LRRC56: variants seen among roughly 807,000 people sequenced by gnomAD.
The protein encoded by LRRC56 is leucine-rich repeat-containing protein 56.
A neutral mutation model predicts 47.8 loss-of-function variants in LRRC56; 41 were observed. The observed-to-expected ratio is 0.86, with a 90% CI of 0.67 to 1.11. LRRC56 has a LOEUF of 1.11. LRRC56 is among the 50% of genes most tolerant of loss of function. The pLI is 0.00. For missense variants in LRRC56, 759 were observed against 704.2 expected (o/e 1.08, Z -0.88); for synonymous variants, 387 against 311.2 (o/e 1.24, Z -2.56).
At chr11:548,481 G>A (rs1338818211) in intron 6 of LRRC56, among the ~76,000 whole-genome samples, 4 of 120,428 alleles carry the variant, frequency 3.3e-5, no homozygotes, top group Admixed American at 8.5e-5. Context: ...GTTTGGAGAC[G>A]GAGGCTCGCT....
chr11:508,198 C>T, the LRRC56 span, among the ~76,000 whole-genome samples: 1 of 152,234 alleles, frequency 6.6e-6, no homozygotes. Flanking sequence ...CAGGGTCTCA[C>T]TCCACTGCTT....
the LRRC56 span, among the ~76,000 whole-genome samples, chr11:520,739 G>A: frequency 6.6e-6 from 1 of 152,064 alleles, no homozygotes; most frequent in African/African-American, 2.4e-5. Context: ...TCCATCCAGG[G>A]TCTCCTGGAG....
rs1385816065 is a variant in LRRC56 at position 540,678 on chromosome 11, CAT to C, written c.-6_-5del. 6 of 1,611,742 alleles carry C rather than the reference CAT, an allele frequency of 3.7e-6. No individual in the cohort carries two copies. Among genetic ancestry groups the C allele is most frequent in the Admixed American group, 3.3e-5 (2 of 59,778 alleles). The stretch of plus-strand genomic sequence containing the variant: ...GCACTGTGCCTCTGTCAGCAGGTGA[CAT>C]GTGAATGGATCTGGGCTGGGACAGA... On this transcript the variant is annotated 5_prime_UTR_variant, in exon 4 of 14. An upstream start codon of the reference 5' UTR is lost. Coordinates refer to ENST00000270115, the MANE Select transcript of LRRC56 (RefSeq NM_198075.4).
intron 5 of LRRC56, among the ~76,000 whole-genome samples, chr11:544,095 G>T (rs756054354): frequency 2.6e-5 from 4 of 152,214 alleles, no homozygotes; most frequent in Non-Finnish European, 5.9e-5. Flanking sequence ...GCCTCACAGG[G>T]GCATATGCCC....
Position 552,443 on chromosome 11 carries a change from G to A in LRRC56, c.1182-126G>A, listed in dbSNP as rs1019671774. The A allele has an allele frequency of 4.3e-6, 5 of 1,164,952 alleles. No homozygotes were observed. The African/African-American group carries it at 6.1e-5, about 14-fold the overall frequency. The allele number at this position is 1,164,952 out of a possible 1,614,324, so 72.2% of individuals were successfully genotyped here. ...ACCATCCCTGTGTGTCCTGTCCCGT[G>A]GGGGGATCAGGGCTGGGGCTACCTT... On this transcript the variant is annotated intron_variant, in intron 12 of 13. Coordinates refer to ENST00000270115, the MANE Select transcript of LRRC56 (RefSeq NM_198075.4).
chr11:526,313 G>C, the LRRC56 span, among the ~76,000 whole-genome samples: 1 of 152,196 alleles, frequency 6.6e-6, no homozygotes, highest in Non-Finnish European at 1.5e-5. Context: ...CGTCCAGGCT[G>C]TGGCCACCAG....
chr11:526,484 G>A, the LRRC56 span, among the ~76,000 whole-genome samples: 17 of 152,238 alleles, frequency 1.1e-4, no homozygotes, highest in African/African-American at 3.1e-4. Flanking sequence ...CAGCAACCCC[G>A]CCCCCAGTGT....
At chr11:533,563 C>A (rs1163968308), upstream of LRRC56, 3 of 1,613,922 alleles carry the variant, frequency 1.9e-6, no homozygotes. Flanking sequence ...TTGTTCCCCA[C>A]CAGCACCATG....
intron 6 of LRRC56, among the ~76,000 whole-genome samples, chr11:547,100 T>C (rs1283944515): frequency 6.7e-6 from 1 of 149,492 alleles, no homozygotes; most frequent in Non-Finnish European, 1.5e-5. Flanking sequence ...GGCTTGGCGG[T>C]GCATGCCTGT....
In LRRC56 at chr11:540,710, G is replaced by A. The variant is rs778566046; in HGVS notation, c.26G>A (p.Arg9His). MDLGWDRS[R>H]GPRRSTSSVR... ...ATGGATCTGGGCTGGGACAGATCCC[G>A]TGGGCCTCGGCGGAGCACCTCCAGC... The change falls in exon 4 of 14, where the codon CGT becomes CAT. Residue 9 changes from arginine to histidine, a missense_variant. Physicochemically the swap from Arg to His is conservative, Grantham distance 29. Transcript: ENST00000270115. 4.1e-5 allele frequency: 66 copies of A among 1,612,582 alleles called. No homozygotes were observed. Among genetic ancestry groups the A allele is most frequent in the East Asian group, 1.1e-4 (5 of 44,888 alleles).
chr11:551,486 A>C (rs1852386148), intron 9 of LRRC56, among the ~76,000 whole-genome samples, 165 bp from the exon 10 acceptor site: 1 of 152,098 alleles, frequency 6.6e-6, no homozygotes, highest in Admixed American at 6.5e-5. Context: ...CAGCCCACAG[A>C]GGGAGAGGAA....
At chr11:534,841 G>C (rs1273542520), upstream of LRRC56, among the ~76,000 whole-genome samples, 1 of 152,216 alleles carries the variant, frequency 6.6e-6, no homozygotes, top group African/African-American at 2.4e-5. Flanking sequence ...TGCGTACTAG[G>C]CGCCGCCGAG....
chr11:534,702 C>A (rs905122041), upstream of LRRC56: 3 of 320,804 alleles, frequency 9.4e-6, no homozygotes, highest in Non-Finnish European at 1.2e-5. Context: ...CGCCCGAGGG[C>A]TGAGGTTACC....
the LRRC56 span, among the ~76,000 whole-genome samples, chr11:513,360 G>A: frequency 1.3e-5 from 2 of 152,004 alleles, no homozygotes; most frequent in Admixed American, 6.6e-5. Context: ...CCATGTTGGC[G>A]AGGCTGGTCC....
At chr11:520,590 G>A in the LRRC56 span, among the ~76,000 whole-genome samples, 10 of 152,064 alleles carry the variant, frequency 6.6e-5, no homozygotes, top group South Asian at 4.2e-4. Flanking sequence ...AAGTCCTGGC[G>A]TTACAGGCAT....
At chr11:531,725 G>C in the LRRC56 span, among the ~76,000 whole-genome samples, 1 of 152,230 alleles carries the variant, frequency 6.6e-6, no homozygotes, top group Admixed American at 6.5e-5. Context: ...ATGAGGCAGA[G>C]GCCTGAGGCC....
rs541209653 is a variant in LRRC56 at position 542,193 on chromosome 11, G to C, written c.265+569G>C. Among the ~76,000 whole-genome samples, 7 of 146,552 alleles carry C rather than the reference G, an allele frequency of 4.8e-5. No homozygotes were observed. The East Asian group carries it at 1.4e-3, about 30-fold the overall frequency. On this transcript the variant is annotated intron_variant, in intron 5 of 13. Coordinates refer to ENST00000270115, the MANE Select transcript of LRRC56 (RefSeq NM_198075.4). ...CACGCCAGTACCCCCGGCACGCTCA[G>C]TGCCCCACACACCCACGCCAGTACC...
the LRRC56 span, among the ~76,000 whole-genome samples, chr11:513,811 ACTC>A: frequency 3.6e-5 from 5 of 140,604 alleles, no homozygotes; most frequent in Admixed American, 7.3e-5. Flanking sequence ...TAAGAGCAAA[ACTC>A]CATCTCAAAA....
rs1051242475 is a variant in LRRC56, at chr11:540,544, G to A, written c.-11-130G>A. 3.7e-5 allele frequency: 26 copies of A among 702,176 alleles called. No homozygotes were observed. The African/African-American group carries it at 4.0e-4, about 11-fold the overall frequency. 43.5% of individuals were successfully genotyped at this position (702,176 alleles called of 1,614,324 possible). On this transcript the variant is annotated intron_variant, in intron 3 of 13. Transcript: ENST00000270115. ...CAAGCTAGGAGCCTTCTCTAGGCTC[G>A]GGGTGGGGGTGGGTGCCAAGGGCTT... is the stretch of plus-strand genomic sequence containing the variant.
Sources: allele counts gnomAD v4.1 joint callset (sites outside exome capture counted in the v4.1 genomes callset), GRCh38; gene constraint gnomAD v4.1.1; transcripts MANE v1.5; gene names NCBI Gene and HGNC (gene_info 2026-07-23, HGNC 2026-07-21).